CDKAL1: variants seen among roughly 807,000 people sequenced by gnomAD.
CDKAL1 encodes threonylcarbamoyladenosine tRNA methylthiotransferase.
Under a neutral mutation model 68.2 loss-of-function variants are expected in CDKAL1, and 32 were observed. That is an observed-to-expected ratio of 0.47 (90% CI 0.35 to 0.63). The LOEUF (loss-of-function observed/expected upper bound fraction) is 0.63. CDKAL1 is among the 30% of genes least tolerant of loss of function. The pLI is 0.00. For missense variants in CDKAL1, 606 were observed against 696.7 expected (o/e 0.87, Z 1.47); for synonymous variants, 234 against 244.3 (o/e 0.96, Z 0.39).
chr6:21,212,753 A>G (rs1328166365), intron 15 of CDKAL1, among the ~76,000 whole-genome samples: 2 of 152,322 alleles, frequency 1.3e-5, no homozygotes, highest in East Asian at 1.9e-4. Flanking sequence ...CAGATTGCTT[A>G]TATGCATGCA....
intron 5 of CDKAL1, among the ~76,000 whole-genome samples, chr6:20,724,134 C>G (rs900663406): frequency 1.3e-5 from 2 of 152,068 alleles, no homozygotes; most frequent in African/African-American, 4.8e-5. Context: ...GATGGTGTTT[C>G]ACCATGTTGG....
chr6:20,967,918 A>G (rs1765400910), intron 10 of CDKAL1, among the ~76,000 whole-genome samples: 1 of 152,148 alleles, frequency 6.6e-6, no homozygotes, highest in Non-Finnish European at 1.5e-5. Context: ...AGCATTTTAT[A>G]TCATCTCACT....
chr6:21,129,184 T>C (rs1205363388), intron 13 of CDKAL1, among the ~76,000 whole-genome samples: 1 of 152,140 alleles, frequency 6.6e-6, no homozygotes, highest in African/African-American at 2.4e-5. Context: ...ATAAATTCTA[T>C]CCATAAGTAT....
intron 11 of CDKAL1, among the ~76,000 whole-genome samples, chr6:21,032,441 G>A (rs188633179): frequency 6.6e-6 from 1 of 152,132 alleles, no homozygotes; most frequent in East Asian, 1.9e-4. Context: ...TTTATTTAAA[G>A]TTACTTAATT....
chr6:20,967,447 T>C (rs1765373974), intron 10 of CDKAL1, among the ~76,000 whole-genome samples: 1 of 152,182 alleles, frequency 6.6e-6, no homozygotes, highest in African/African-American at 2.4e-5. Flanking sequence ...TTTATAACAC[T>C]CTTATTTTGA....
chr6:20,746,767 A>G (rs187523930), intron 6 of CDKAL1, among the ~76,000 whole-genome samples: 3 of 152,326 alleles, frequency 2.0e-5, no homozygotes, highest in African/African-American at 7.2e-5. Flanking sequence ...AAGGTGTACA[A>G]TGTTTTTATA....
At chr6:21,092,909 GA>G (rs1467386869) in intron 12 of CDKAL1, among the ~76,000 whole-genome samples, 2 of 145,656 alleles carry the variant, frequency 1.4e-5, no homozygotes, top group Non-Finnish European at 3.0e-5. Context: ...TTAAAGTAGA[GA>G]AAATCTCTAG....
At chr6:20,561,187 A>G (rs1447131077) in intron 4 of CDKAL1, among the ~76,000 whole-genome samples, 1 of 152,092 alleles carries the variant, frequency 6.6e-6, no homozygotes, top group African/African-American at 2.4e-5. Flanking sequence ...CATGCTTGTA[A>G]TCCCAGCACT....
At chr6:20,713,301 C>G (rs1249492381) in intron 5 of CDKAL1, among the ~76,000 whole-genome samples, 1 of 152,108 alleles carries the variant, frequency 6.6e-6, no homozygotes, top group Non-Finnish European at 1.5e-5. Flanking sequence ...TCTAATGAAT[C>G]AGGAGTGAGT....
intron 13 of CDKAL1, among the ~76,000 whole-genome samples, chr6:21,151,540 A>G (rs1452342233): frequency 6.6e-6 from 1 of 150,984 alleles, no homozygotes; most frequent in Admixed American, 6.6e-5. Flanking sequence ...CTACTAAAAT[A>G]ACGACTCCAA....
intron 8 of CDKAL1, among the ~76,000 whole-genome samples, chr6:20,783,696 C>T (rs1479137098): frequency 6.6e-6 from 1 of 152,178 alleles, no homozygotes; most frequent in East Asian, 1.9e-4. Context: ...ACAACATTCC[C>T]TATGTATCCT....
intron 4 of CDKAL1, among the ~76,000 whole-genome samples, chr6:20,595,629 G>C (rs1173091231): frequency 6.6e-6 from 1 of 151,918 alleles, no homozygotes; most frequent in African/African-American, 2.4e-5. Flanking sequence ...TGCTCCTTTA[G>C]CTCATAGGAG....
At chr6:20,798,033 C>G (rs1273066990) in intron 8 of CDKAL1, among the ~76,000 whole-genome samples, 1 of 151,920 alleles carries the variant, frequency 6.6e-6, no homozygotes, top group Admixed American at 6.6e-5. Context: ...CCAGGCTGGT[C>G]TTGAACTCCT....
intron 11 of CDKAL1, among the ~76,000 whole-genome samples, chr6:21,002,657 T>A (rs59139947): frequency 0.011 from 764 of 68,148 alleles, 7 homozygotes; most frequent in Middle Eastern, 0.059. Context: ...TAACCTATTT[T>A]AAAAAAAAAA....
intron 11 of CDKAL1, among the ~76,000 whole-genome samples, chr6:21,032,280 G>A (rs1467366690): frequency 1.3e-5 from 2 of 152,052 alleles, no homozygotes; most frequent in East Asian, 3.9e-4. Context: ...TGTAGAGATG[G>A]GGTTTCACCA....
chr6:20,904,954 G>A (rs1053987408), intron 9 of CDKAL1, among the ~76,000 whole-genome samples: 3 of 152,032 alleles, frequency 2.0e-5, no homozygotes, highest in Non-Finnish European at 2.9e-5. Flanking sequence ...ACCAAAAGCC[G>A]CAGCAAACCC....
In CDKAL1 at chr6:20,738,485, G is replaced by GTTTT. The variant is rs71712438; in HGVS notation, c.372-1016_372-1013dup. Among the ~76,000 whole-genome samples the GTTTT allele has an allele frequency of 2.6e-4, 31 of 119,622 alleles. 4 individuals carry two copies. Among genetic ancestry groups the GTTTT allele is most frequent in the South Asian group, 5.7e-4 (2 of 3,498 alleles). 78.5% of individuals were successfully genotyped at this position (119,622 alleles called of 152,430 possible). ...TTTGAGCCAGCATTTCTACTTCTTA[G>GTTTT]TTTTTTTTTTTTTTTTTTTTTGATA... is the stretch of plus-strand genomic sequence containing the variant. On this transcript the variant is annotated intron_variant, in intron 5 of 15. Coordinates refer to ENST00000274695, the MANE Select transcript of CDKAL1 (RefSeq NM_017774.3).
In CDKAL1 at chr6:21,065,036, G is replaced by T; in HGVS notation, c.1056-12G>T. ...AGTCAAGTTTTTACATTTTTGTCTT[G>T]TTATTTTCTAGAGTTCCTGGAATAA... On this transcript the variant is annotated splice_polypyrimidine_tract_variant and intron_variant, in intron 11 of 15. Coordinates refer to ENST00000274695, the MANE Select transcript of CDKAL1 (RefSeq NM_017774.3). 1 of 1,507,326 alleles carries T rather than the reference G, an allele frequency of 6.6e-7. No homozygotes were observed. The highest frequency in any genetic ancestry group is 2.4e-5 in the East Asian group (1 of 41,744). The allele number at this position is 1,507,326 out of a possible 1,614,324, so 93.4% of individuals were successfully genotyped here. A position where few individuals can be genotyped will look rare whatever the true frequency, so the allele number is the denominator to read the frequency against.
intron 9 of CDKAL1, among the ~76,000 whole-genome samples, chr6:20,869,450 G>A (rs552105016): frequency 3.9e-5 from 6 of 152,282 alleles, no homozygotes; most frequent in African/African-American, 1.4e-4. Context: ...TAACGTGTGT[G>A]TTTTATTTCT....
Sources: allele counts gnomAD v4.1 joint callset (sites outside exome capture counted in the v4.1 genomes callset), GRCh38; gene constraint gnomAD v4.1.1; transcripts MANE v1.5; gene names NCBI Gene and HGNC (gene_info 2026-07-23, HGNC 2026-07-21).